BMPR1B: variants seen among roughly 807,000 people sequenced by gnomAD.
BMPR1B encodes bone morphogenetic protein receptor type 1B.
BMPR1B carries 12 observed loss-of-function variants against 59.1 expected under a neutral mutation model. That is an observed-to-expected ratio of 0.20 (90% CI 0.13 to 0.33). The LOEUF is 0.33. Ranked by LOEUF, BMPR1B falls within the 10% of genes least tolerant of loss-of-function variation. BMPR1B has a pLI of 1.00. For missense variants in BMPR1B, 550 were observed against 610.9 expected (o/e 0.90, Z 1.05); for synonymous variants, 237 against 207.3 (o/e 1.14, Z -1.23).
chr4:94,889,572 C>T (rs1004517849), intron 2 of BMPR1B, among the ~76,000 whole-genome samples: 9 of 152,164 alleles, frequency 5.9e-5, no homozygotes, highest in East Asian at 1.9e-4. Context: ...TTGATATGAG[C>T]GGAAGGGCTC....
chr4:94,967,831 A>AT (rs767543924), intron 2 of BMPR1B, among the ~76,000 whole-genome samples: 2 of 151,720 alleles, frequency 1.3e-5, no homozygotes. Flanking sequence ...CGTGAAAGAG[A>AT]TTTTTTTTCT....
In BMPR1B at chr4:94,951,864, T is replaced by C. The variant is rs932317262; in HGVS notation, c.-112-44176T>C. Among the ~76,000 whole-genome samples, 3 of 151,586 alleles carry C rather than the reference T, an allele frequency of 2.0e-5. No individual in the cohort carries two copies. The South Asian group carries it at 6.2e-4, about 31-fold the overall frequency. ...CTCTTCTTTTTACCTCTGGAAGAAT[T>C]TGGCTGTGAATTCGTCTGGTCCTGG... On this transcript the variant is annotated intron_variant, in intron 2 of 12. Transcript: ENST00000515059.
intron 2 of BMPR1B, among the ~76,000 whole-genome samples, chr4:94,908,061 T>TAAAAAAAAAAAAAA (rs571793477): frequency 3.0e-4 from 14 of 46,258 alleles, no homozygotes; most frequent in East Asian, 6.0e-4. Context: ...ACCCTGTCTT[T>TAAAAAAAAAAAAAA]AAAAAAAAAA....
chr4:94,987,049 TA>T (rs1721453457), intron 2 of BMPR1B, among the ~76,000 whole-genome samples: 1 of 1,492 alleles, frequency 6.7e-4, no homozygotes, highest in Admixed American at 0.016. Context: ...TCAAAAAAAA[TA>T]TATATATATA....
chr4:95,131,969 G>A lies in BMPR1B; in HGVS notation c.1076+457G>A, dbSNP rs112318746. On this transcript the variant is annotated intron_variant, in intron 10 of 12. Coordinates refer to ENST00000515059, the MANE Select transcript of BMPR1B (RefSeq NM_001203.3). ...AGCTGTTATTCAGTACTGTTATCCT[G>A]TACCTGAAACAGTGAATTTAACATC... 8.0e-3 allele frequency among the ~76,000 whole-genome samples: 1,223 copies of A among 152,276 alleles called. 16 individuals carry two copies. The highest frequency in any genetic ancestry group is 0.027 in the African/African-American group (1,112 of 41,544).
At chr4:95,139,168 G>T (rs1394108355) in intron 10 of BMPR1B, among the ~76,000 whole-genome samples, 2 of 152,156 alleles carry the variant, frequency 1.3e-5, no homozygotes, top group African/African-American at 4.8e-5. Flanking sequence ...GTTGGAGTTT[G>T]CTGGAGGTCC....
At chr4:95,024,153 G>T (rs1472922719) in intron 3 of BMPR1B, among the ~76,000 whole-genome samples, 2 of 152,172 alleles carry the variant, frequency 1.3e-5, no homozygotes, top group Non-Finnish European at 2.9e-5. Context: ...TTAGCTACTT[G>T]AATAAGGGTG....
chr4:94,887,403 C>CAAAAAAAAAAAAAAAAAAAAAAAAAAA (rs57818132), intron 2 of BMPR1B, among the ~76,000 whole-genome samples: 2 of 54,812 alleles, frequency 3.6e-5, no homozygotes, highest in African/African-American at 7.1e-5. Context: ...CACCCCCCAC[C>CAAAAAAAAAAAAAAAAAAAAAAAAAAA]AAAAAAAAAA....
chr4:95,029,544 GTGGAACTT>G (rs1326103655), intron 3 of BMPR1B, among the ~76,000 whole-genome samples: 1 of 152,042 alleles, frequency 6.6e-6, no homozygotes, highest in Admixed American at 6.6e-5. Context: ...AATAGTCTTT[GTGGAACTT>G]TGAATAGTGC....
At chr4:94,800,872 G>C (rs1723380944) in intron 1 of BMPR1B, among the ~76,000 whole-genome samples, 1 of 152,170 alleles carries the variant, frequency 6.6e-6, no homozygotes, top group Admixed American at 6.5e-5. Context: ...CAAATGTTTA[G>C]AAAGCAGTGT....
intron 3 of BMPR1B, among the ~76,000 whole-genome samples, chr4:95,057,421 A>T (rs1035377132): frequency 1.3e-5 from 2 of 151,922 alleles, no homozygotes; most frequent in Non-Finnish European, 2.9e-5. Flanking sequence ...TTTTTGTTGT[A>T]TTTTTAGTAG....
At chr4:94,934,986 T>A (rs1464343007) in intron 2 of BMPR1B, among the ~76,000 whole-genome samples, 4 of 152,136 alleles carry the variant, frequency 2.6e-5, no homozygotes, top group Non-Finnish European at 5.9e-5. Context: ...GTGTAGTGTG[T>A]TTTCATAACT....
intron 1 of BMPR1B, among the ~76,000 whole-genome samples, chr4:94,812,076 G>A (rs2110639809): frequency 6.6e-6 from 1 of 152,180 alleles, no homozygotes; most frequent in Non-Finnish European, 1.5e-5. Flanking sequence ...CAGGTTATGT[G>A]GTCTGCTTGC....
At chr4:95,098,841 C>T (rs140289209) in intron 3 of BMPR1B, among the ~76,000 whole-genome samples, 6,694 of 152,048 alleles carry the variant, frequency 0.044, 499 homozygotes, top group African/African-American at 0.15. Flanking sequence ...CTCAGACTCC[C>T]GAGTAGCTGG....
intron 3 of BMPR1B, among the ~76,000 whole-genome samples, chr4:95,097,827 C>T (rs780428544): frequency 2.6e-5 from 4 of 152,144 alleles, no homozygotes. Context: ...TAAGCCACCG[C>T]GCCCAGCCTG....
intron 1 of BMPR1B, among the ~76,000 whole-genome samples, chr4:94,812,018 A>G (rs1001201449): frequency 2.6e-5 from 4 of 152,342 alleles, no homozygotes; most frequent in Middle Eastern, 3.4e-3. Context: ...TTTATGTTGT[A>G]GAAATGATAG....
intron 2 of BMPR1B, among the ~76,000 whole-genome samples, chr4:94,962,124 T>TTCTTTCC (rs1560569231): frequency 1.9e-3 from 168 of 88,060 alleles, no homozygotes; most frequent in Non-Finnish European, 3.0e-3. Context: ...TCCTTCCTTC[T>TTCTTTCC]TTCCTTCCTT....
At chr4:94,923,561 GATAA>G (rs1447078085) in intron 2 of BMPR1B, among the ~76,000 whole-genome samples, 3 of 152,120 alleles carry the variant, frequency 2.0e-5, no homozygotes, top group Non-Finnish European at 2.9e-5. Context: ...ACTTCCACTT[GATAA>G]ATGAGTGAAC....
intron 3 of BMPR1B, chr4:95,051,594 G>T: frequency 9.3e-7 from 1 of 1,070,010 alleles, no homozygotes; most frequent in South Asian, 1.5e-5. Context: ...GCAGGCTTGC[G>T]AGAAGATCTG....
Sources: gnomAD v4.1 joint callset for allele counts (sites outside exome capture counted in the v4.1 genomes callset) on GRCh38, gnomAD v4.1.1 for gene constraint, MANE v1.5 for transcripts, NCBI Gene and HGNC (gene_info 2026-07-23, HGNC 2026-07-21) for gene names.